Variants in TTC7B observed in about 807,000 individuals in gnomAD.
The protein encoded by TTC7B is tetratricopeptide repeat domain 7B.
TTC7B carries 28 observed loss-of-function variants against 106.8 expected under a neutral mutation model. The ratio of observed to expected loss-of-function variants is 0.26; its 90% CI spans 0.19 to 0.36. The LOEUF (loss-of-function observed/expected upper bound fraction) is 0.36. Among genes scored for constraint, TTC7B ranks in the 10% least tolerant of loss-of-function variants. TTC7B has a pLI of 1.00. For missense variants in TTC7B, 862 were observed against 1,076.4 expected, an observed-to-expected ratio of 0.80 and a Z score of 2.79; for synonymous variants, 405 against 430.6, an observed-to-expected ratio of 0.94 and a Z score of 0.74.
chr14:90,666,438 G>A lies in TTC7B; in HGVS notation c.1153-8051C>T, dbSNP rs537425946. ...GGCCTCCCAAAGTGCTGGGATTACA[G>A]GTGTGAGCCACCACACTCGGCACTC... On this transcript the variant is annotated intron_variant, in intron 9 of 19. Coordinates refer to ENST00000328459, the MANE Select transcript of TTC7B (RefSeq NM_001010854.2). 6.2e-4 allele frequency among the ~76,000 whole-genome samples: 94 copies of A among 152,156 alleles called. 1 individual carries two copies. Among genetic ancestry groups the A allele is most frequent in the Non-Finnish European group, 1.2e-3 (79 of 68,024 alleles).
rs1417163533 is a variant in TTC7B at position 90,816,340 on chromosome 14, C to CCGCCGCCGCGG, written c.-56_-46dup. On this transcript the variant is annotated 5_prime_UTR_variant, in exon 1 of 20. Transcript: ENST00000328459. ...GCCGCCCGCCCCGCAGGCCCCACCGCCGCCGCCGCGGCGCCCCCTCGCCGC... is the reference window on the plus strand; with the variant it reads ...GCCGCCCGCCCCGCAGGCCCCACCGCCGCCGCCGCGGCGCCGCCGCGGCGCCCCCTCGCCGC... 1.3e-5 allele frequency: 13 copies of CCGCCGCCGCGG among 963,632 alleles called. No individual in the cohort carries two copies. The African/African-American group carries it at 2.3e-4, about 17-fold the overall frequency. 59.7% of individuals were successfully genotyped at this position (963,632 alleles called of 1,614,324 possible). A position where few individuals can be genotyped will look rare whatever the true frequency, so the allele number is the denominator to read the frequency against.
In TTC7B at chr14:90,575,962, G is replaced by A. The variant is rs757187684; in HGVS notation, c.2310+2144C>T. Among the ~76,000 whole-genome samples, 35 of 152,048 alleles carry A rather than the reference G, an allele frequency of 2.3e-4. No individual in the cohort carries two copies. The highest frequency in any genetic ancestry group is 3.7e-4 in the Non-Finnish European group (25 of 68,022). On this transcript the variant is annotated intron_variant, in intron 19 of 19. Transcript: ENST00000328459. The surrounding 1 kb of genome is among the most constrained non-coding windows in gnomAD (Gnocchi z 5.2). ...GTCATTGCCGATGGACCCAGCAGGC[G>A]GGGCTCACCATGGCCCTAGTCTCAC...
At chr14:90,567,948 C>T (rs1457167806) in intron 19 of TTC7B, among the ~76,000 whole-genome samples, 1 of 152,190 alleles carries the variant, frequency 6.6e-6, no homozygotes, top group Non-Finnish European at 1.5e-5. Context: ...GATTTAAACT[C>T]GGTCTGAAGG....
chr14:90,633,859 T>A (rs1884807302), intron 15 of TTC7B, among the ~76,000 whole-genome samples: 1 of 152,076 alleles, frequency 6.6e-6, no homozygotes, highest in South Asian at 2.1e-4. Flanking sequence ...TATAAAAATG[T>A]GTACTTTGTT....
intron 19 of TTC7B, among the ~76,000 whole-genome samples, chr14:90,561,165 C>T (rs891392190): frequency 3.3e-5 from 5 of 152,198 alleles, no homozygotes; most frequent in Non-Finnish European, 2.9e-5. Flanking sequence ...CTGCAGTGGG[C>T]ATGCTCCGCT....
intron 3 of TTC7B, among the ~76,000 whole-genome samples, chr14:90,769,452 G>T (rs572990500): frequency 6.6e-6 from 1 of 152,146 alleles, no homozygotes; most frequent in African/African-American, 2.4e-5. Flanking sequence ...ACATAAATAC[G>T]TTGAAAGTGA....
chr14:90,656,977 C>T lies in TTC7B; in HGVS notation c.1341+197G>A, dbSNP rs971305665. Among the ~76,000 whole-genome samples the T allele has an allele frequency of 3.3e-5, 5 of 152,228 alleles. No individual in the cohort carries two copies. In the East Asian group the frequency reaches 9.6e-4, roughly 29 times the overall value. On this transcript the variant is annotated intron_variant, in intron 11 of 19. Transcript: ENST00000328459. ...AAAACCCCTGGAGTACCCCAGAGTA[C>T]TCCTCAGTCCTTGGGGGAGTGGATG... is the stretch of plus-strand genomic sequence containing the variant.
intron 4 of TTC7B, among the ~76,000 whole-genome samples, chr14:90,735,865 C>G (rs1226694934): frequency 6.6e-6 from 1 of 151,976 alleles, no homozygotes; most frequent in African/African-American, 2.4e-5. Flanking sequence ...TTGAACTCAA[C>G]AAAATTATTC....
intron 5 of TTC7B, among the ~76,000 whole-genome samples, chr14:90,709,180 T>C (rs1464287019): frequency 1.3e-5 from 2 of 152,046 alleles, no homozygotes; most frequent in Admixed American, 6.5e-5. Flanking sequence ...GCCATCCCAT[T>C]ACCGGGTATA....
intron 5 of TTC7B, among the ~76,000 whole-genome samples, chr14:90,710,538 G>A (rs1449684954): frequency 1.3e-5 from 2 of 152,150 alleles, no homozygotes; most frequent in Non-Finnish European, 2.9e-5. Flanking sequence ...AAACAGCATT[G>A]CATGCTACAG....
In TTC7B at chr14:90,685,815, G is replaced by A. The variant is rs139917195; in HGVS notation, c.950+3725C>T. ...CAAGAAGAAATAGAAAATACAAATA[G>A]ACCTAAAATAAGTAAAGAGATTGAA... is the stretch of plus-strand genomic sequence containing the variant. On this transcript the variant is annotated intron_variant, in intron 7 of 19. Coordinates refer to ENST00000328459, the MANE Select transcript of TTC7B (RefSeq NM_001010854.2). 1.9e-3 allele frequency among the ~76,000 whole-genome samples: 294 copies of A among 151,848 alleles called. 2 individuals are homozygous for A. The highest frequency in any genetic ancestry group is 7.0e-3 in the African/African-American group (288 of 41,410).
intron 18 of TTC7B, among the ~76,000 whole-genome samples, chr14:90,588,886 T>TAAAAAAAAA (rs572763059): frequency 1.2e-5 from 1 of 81,720 alleles, no homozygotes; most frequent in Non-Finnish European, 2.5e-5. Flanking sequence ...AAACAAAAAC[T>TAAAAAAAAA]AAAAAAAAAA....
chr14:90,660,458 A>C (rs996798734), intron 9 of TTC7B, among the ~76,000 whole-genome samples: 1 of 151,980 alleles, frequency 6.6e-6, no homozygotes, highest in African/African-American at 2.4e-5. Flanking sequence ...ACAATGCAAA[A>C]AATAGAAAAG....
chr14:90,714,118 T>C (rs1888553469), intron 5 of TTC7B, among the ~76,000 whole-genome samples: 1 of 151,922 alleles, frequency 6.6e-6, no homozygotes, highest in Non-Finnish European at 1.5e-5. Flanking sequence ...TAATCCCAGC[T>C]ACTTGGGAGG....
chr14:90,777,226 C>T (rs1035836685), intron 3 of TTC7B, among the ~76,000 whole-genome samples: 2 of 152,162 alleles, frequency 1.3e-5, no homozygotes, highest in East Asian at 1.9e-4. Flanking sequence ...GGCAATAGAG[C>T]GAGACTCCGT....
At chr14:90,613,784 G>A (rs1380533471) in intron 16 of TTC7B, among the ~76,000 whole-genome samples, 1 of 152,260 alleles carries the variant, frequency 6.6e-6, no homozygotes, top group Non-Finnish European at 1.5e-5. Flanking sequence ...CCTGGTGAGT[G>A]TTGTAGTAGA....
At chr14:90,776,140 GACAC>G (rs370873395) in intron 3 of TTC7B, among the ~76,000 whole-genome samples, 11,951 of 140,234 alleles carry the variant, frequency 0.085, 500 homozygotes, top group East Asian at 0.15. Context: ...GGCCCCCCGT[GACAC>G]ACACACACAC....
intron 3 of TTC7B, among the ~76,000 whole-genome samples, chr14:90,764,055 A>G (rs537990940): frequency 2.6e-5 from 4 of 152,326 alleles, no homozygotes; most frequent in Admixed American, 6.5e-5. Context: ...CCCAAACTCA[A>G]AACTTACTAC....
In TTC7B at chr14:90,663,166, T is replaced by C. The variant is rs1886274018; in HGVS notation, c.1153-4779A>G. On this transcript the variant is annotated intron_variant, in intron 9 of 19. Coordinates refer to ENST00000328459, the MANE Select transcript of TTC7B (RefSeq NM_001010854.2). This position sits in a 1 kb window ranked among gnomAD's most constrained non-coding sequence, Gnocchi z 4.5. ...GCAAAGTACAAGGCAGGTAGGCCCC[T>C]TTATCATCGTCCATTTGCAGGTGAG... Among the ~76,000 whole-genome samples the C allele has an allele frequency of 6.6e-6, 1 of 152,208 alleles. No homozygotes were observed. The highest frequency in any genetic ancestry group is 1.5e-5 in the Non-Finnish European group (1 of 68,036).
Sources: allele counts gnomAD v4.1 joint callset (sites outside exome capture counted in the v4.1 genomes callset), GRCh38; gene constraint gnomAD v4.1.1; non-coding constraint Gnocchi (gnomAD v3.1); transcripts MANE v1.5; gene names NCBI Gene and HGNC (gene_info 2026-07-23, HGNC 2026-07-21).